The following NLGN2 variants were observed in gnomAD, a reference collection of about 807,000 sequenced individuals.
NLGN2 encodes neuroligin 2.
A neutral mutation model predicts 48.6 loss-of-function variants in NLGN2; 11 were observed. The ratio of observed to expected loss-of-function variants is 0.23; its 90% CI spans 0.14 to 0.37. The LOEUF is 0.37. Among genes scored for constraint, NLGN2 ranks in the 10% least tolerant of loss-of-function variants. The pLI is 1.00. For synonymous variants in NLGN2, 548 were observed against 550.0 expected, an observed-to-expected ratio of 1.00 and a Z score of 0.05; for missense variants, 801 against 1,225.2, an observed-to-expected ratio of 0.65 and a Z score of 5.17.
In NLGN2 at chr17:7,413,623, G is replaced by A. The variant is rs1407276559; in HGVS notation, c.509-721G>A. The stretch of plus-strand genomic sequence containing the variant: ...GTGGCAGTGATCAGGGGATCCTCAG[G>A]GGGTATGGCGGGAAGGAGCCCAGTG... On this transcript the variant is annotated intron_variant, in intron 2 of 6. Transcript: ENST00000302926. The surrounding 1 kb of genome is among the most constrained non-coding windows in gnomAD (Gnocchi z 4.9). 6.6e-6 allele frequency among the ~76,000 whole-genome samples: 1 copy of A among 152,156 alleles called. No homozygotes were observed. The highest frequency in any genetic ancestry group is 1.5e-5 in the Non-Finnish European group (1 of 68,008).
chr17:7,406,907 AG>A (rs1906669482), upstream of NLGN2, among the ~76,000 whole-genome samples: 1 of 151,936 alleles, frequency 6.6e-6, no homozygotes, highest in Admixed American at 6.5e-5. Flanking sequence ...AAATTGCTGG[AG>A]GGGGGCAGTC....
Position 7,418,029 on chromosome 17 carries a change from C to G in NLGN2, c.*230C>G, listed in dbSNP as rs1279988020. The G allele has an allele frequency of 1.1e-5, 4 of 354,234 alleles. No individual in the cohort carries two copies. The highest frequency in any genetic ancestry group is 2.0e-5 in the Non-Finnish European group (4 of 197,276). 21.9% of individuals were successfully genotyped at this position (354,234 alleles called of 1,614,324 possible). On this transcript the variant is annotated 3_prime_UTR_variant, in exon 7 of 7. Transcript: ENST00000302926. ...AACAACTGGGGGGCGTTTTCTCCCC[C>G]CCATTGGGACACCAGTCTTCGGTGT...
chr17:7,409,614 G>A lies in NLGN2; in HGVS notation c.457+902G>A, dbSNP rs374139785. On this transcript the variant is annotated intron_variant, in intron 1 of 6. Transcript: ENST00000302926. Reference sequence around the variant, plus strand: ...TCTTACCACTCCAAAACATGGCAGCGTCTGCGTATAGACCATCCGCTGCCA... The same window carrying A: ...TCTTACCACTCCAAAACATGGCAGCATCTGCGTATAGACCATCCGCTGCCA... Among the ~76,000 whole-genome samples the A allele has an allele frequency of 1.6e-4, 25 of 152,042 alleles. No homozygotes were observed. The South Asian group carries it at 4.2e-3, about 25-fold the overall frequency.
At position 7,408,326 on chromosome 17, in the gene NLGN2, G is replaced by A; in HGVS notation, c.71G>A (p.Gly24Asp). The A allele has an allele frequency of 4.3e-6, 6 of 1,405,390 alleles. No homozygotes were observed. Among genetic ancestry groups the A allele is most frequent in the Non-Finnish European group, 5.5e-6 (6 of 1,088,940 alleles). 87.1% of individuals were successfully genotyped at this position (1,405,390 alleles called of 1,614,324 possible). ...CGCGGGGGAGGGGGTCCCGGCGGCG[G>A]CGCCCCGGGCGGCCCCGGCCTGGGC... ...AQRGGGGPGG[G>D]APGGPGLGLG... The change falls in exon 1 of 7, where the codon GGC becomes GAC. Residue 24 changes from glycine to aspartate, a missense_variant. Around this residue, in one of 5 missense-constraint regions of NLGN2, gnomAD observed 164 missense variants for 186.2 expected, o/e 0.88. Coordinates refer to ENST00000302926, the MANE Select transcript of NLGN2 (RefSeq NM_020795.4). The surrounding 1 kb of genome is among the most constrained non-coding windows in gnomAD (Gnocchi z 7.5).
At position 7,411,854 on chromosome 17, in the gene NLGN2, G is replaced by C. The variant is rs984572056; in HGVS notation, c.458-303G>C. ...AAGCCAAAACCTTTCCAGCCAAGTC[G>C]ATATGTCTTAAGACAGGCCTCAGCC... On this transcript the variant is annotated intron_variant, in intron 1 of 6. Transcript: ENST00000302926. The surrounding 1 kb of genome is among the most constrained non-coding windows in gnomAD (Gnocchi z 4.5). Among the ~76,000 whole-genome samples the C allele has an allele frequency of 6.6e-6, 1 of 150,946 alleles. No homozygotes were observed. Among genetic ancestry groups the C allele is most frequent in the Non-Finnish European group, 1.5e-5 (1 of 67,852 alleles).
At position 7,416,032 on chromosome 17, in the gene NLGN2, C is replaced by T. The variant is rs1907088713; in HGVS notation, c.1559C>T (p.Pro520Leu). 33 of 1,614,158 alleles carry T rather than the reference C, an allele frequency of 2.0e-5. No individual in the cohort carries two copies. Among genetic ancestry groups the T allele is most frequent in the Non-Finnish European group, 2.8e-5 (33 of 1,180,040 alleles). Residue 520 changes from proline (P) to leucine (L), a missense_variant, in exon 6 of 7, where the codon CCC (proline) becomes CTC (leucine). Physicochemically the swap from Pro to Leu is moderately conservative, Grantham distance 98. This residue lies in a region of NLGN2 where 303 missense variants were observed against 600.1 expected (regional missense o/e 0.50). Coordinates refer to ENST00000302926, the MANE Select transcript of NLGN2 (RefSeq NM_020795.4). ...VPMVGATDLF[P>L]CNFSKNDVML... ...ATGGTGGGTGCCACCGACCTCTTCCCCTGTAACTTCTCCAAGAATGACGTC... is the reference window on the plus strand; with the variant it reads ...ATGGTGGGTGCCACCGACCTCTTCCTCTGTAACTTCTCCAAGAATGACGTC...
At position 7,414,986 on chromosome 17, in the gene NLGN2, G is replaced by C; in HGVS notation, c.875G>C (p.Gly292Ala). 6.2e-7 allele frequency: 1 copy of C among 1,612,308 alleles called. No individual in the cohort carries two copies. Reference sequence around the variant, plus strand: ...TTCCAGAAGGCCATCGCCCAGAGTGGCACCGCCATTTCCAGCTGGTCTGTC... The same window carrying C: ...TTCCAGAAGGCCATCGCCCAGAGTGCCACCGCCATTTCCAGCTGGTCTGTC... The part of the protein sequence containing the change: ...GLFQKAIAQS[G>A]TAISSWSVNY... Residue 292 changes from glycine (G) to alanine (A), a missense_variant, in exon 5 of 7, where the codon GGC (glycine) becomes GCC (alanine). Coordinates refer to ENST00000302926, the MANE Select transcript of NLGN2 (RefSeq NM_020795.4).
upstream of NLGN2, among the ~76,000 whole-genome samples, chr17:7,406,860 G>T (rs966166109): frequency 1.1e-4 from 16 of 152,136 alleles, no homozygotes; most frequent in African/African-American, 3.6e-4. Flanking sequence ...ACAATGGCTT[G>T]CAAAGATGAA....
upstream of NLGN2, chr17:7,404,765 A>G (rs935596700): frequency 2.0e-5 from 3 of 151,082 alleles, no homozygotes; most frequent in African/African-American, 7.3e-5. Flanking sequence ...ACCATCTCCA[A>G]TCCCCCCATT....
intron 2 of NLGN2, 148 bp from the exon 3 acceptor site, chr17:7,414,196 G>A (rs1295253663): frequency 7.2e-6 from 5 of 693,594 alleles, no homozygotes; most frequent in Non-Finnish European, 7.5e-6. Context: ...AGGGGAATCC[G>A]GTCTTGCCCC....
Position 7,417,066 on chromosome 17 carries a change from A to G in NLGN2, c.1775A>G (p.Asn592Ser), listed in dbSNP as rs145515125. The change falls in exon 7 of 7, where the codon AAC becomes AGC. Residue 592 changes from asparagine (N) to serine (S), a missense_variant. By Grantham distance (46) the Asn-to-Ser change is conservative (BLOSUM62 1). Transcript: ENST00000302926. The stretch of plus-strand genomic sequence containing the variant: ...GGCCTGAAGCCACGCGTGCGTGACA[A>G]CTACCGCGCCAACAAGGTGGCCTTC... ...HIGLKPRVRD[N>S]YRANKVAFWL... is the part of the protein sequence containing the mutation. 3 of 1,613,998 alleles carry G rather than the reference A, an allele frequency of 1.9e-6. No homozygotes were observed. Among genetic ancestry groups the G allele is most frequent in the Non-Finnish European group, 2.5e-6 (3 of 1,180,004 alleles).
Position 7,417,478 on chromosome 17 carries a change from CCCCGCCGCGGGCCGTGAGCTG to C in NLGN2, c.2190_2210del (p.Ala731_Pro737del). The stretch of plus-strand genomic sequence containing the variant: ...GCGTGCCTGGTGGGGGCCCCCTGCT[CCCCGCCGCGGGCCGTGAGCTG>C]CCACCAGAGGAGGAGCTGGTGTCAC... On this transcript the variant is annotated inframe_deletion, in exon 7 of 7. Coordinates refer to ENST00000302926, the MANE Select transcript of NLGN2 (RefSeq NM_020795.4). 6.5e-7 allele frequency: 1 copy of C among 1,531,076 alleles called. No homozygotes were observed. Among genetic ancestry groups the C allele is most frequent in the Non-Finnish European group, 8.7e-7 (1 of 1,142,994 alleles). The allele number at this position is 1,531,076 out of a possible 1,614,324, so 94.8% of individuals were successfully genotyped here.
In NLGN2 at chr17:7,417,708, T is replaced by A. The variant is rs1597714703; in HGVS notation, c.2417T>A (p.Leu806His). 1 of 549,440 alleles carries A rather than the reference T, an allele frequency of 1.8e-6. No homozygotes were observed. The highest frequency in any genetic ancestry group is 2.2e-6 in the Non-Finnish European group (1 of 446,890). The allele number at this position is 549,440 out of a possible 1,614,324, so 34.0% of individuals were successfully genotyped here. ...GPPPPPPPPSLHPFGPFPPPP... is the reference protein window; with the variant it reads ...GPPPPPPPPSHHPFGPFPPPP... ...CCGCCACCCCCACCGCCCCCCTCCCTTCATCCCTTCGGGCCCTTCCCCCCG... is the reference window on the plus strand; with the variant it reads ...CCGCCACCCCCACCGCCCCCCTCCCATCATCCCTTCGGGCCCTTCCCCCCG... The change falls in exon 7 of 7, where the codon CTT becomes CAT. Residue 806 changes from leucine (L) to histidine (H), a missense_variant. Leu to His is a moderately conservative substitution (Grantham distance 99). Coordinates refer to ENST00000302926, the MANE Select transcript of NLGN2 (RefSeq NM_020795.4).
At position 7,417,129 on chromosome 17, in the gene NLGN2, CG is replaced by C; in HGVS notation, c.1840del (p.Glu614SerfsTer63). ...ELVPHLHNLHTELFTTTTRLP... is the reference protein window; with the variant it reads ...ELVPHLHNLHXELFTTTTRLP... ...GTGCCCCACCTGCACAACCTGCACA[CG>C]GAGCTCTTCACCACCACCACGCGCC... On this transcript the variant is annotated frameshift_variant, in exon 7 of 7. Coordinates refer to ENST00000302926, the MANE Select transcript of NLGN2 (RefSeq NM_020795.4). LOFTEE classifies it low-confidence loss of function (END_TRUNC). The C allele has an allele frequency of 6.2e-7, 1 of 1,611,094 alleles. No homozygotes were observed.
rs1906903027 is a variant in NLGN2 at position 7,411,757 on chromosome 17, G to A, written c.458-400G>A. Among the ~76,000 whole-genome samples the A allele has an allele frequency of 6.6e-6, 1 of 152,134 alleles. No individual in the cohort carries two copies. Among genetic ancestry groups the A allele is most frequent in the Non-Finnish European group, 1.5e-5 (1 of 68,032 alleles). On this transcript the variant is annotated intron_variant, in intron 1 of 6. Coordinates refer to ENST00000302926, the MANE Select transcript of NLGN2 (RefSeq NM_020795.4). The surrounding 1 kb of genome is among the most constrained non-coding windows in gnomAD (Gnocchi z 4.5). Reference sequence around the variant, plus strand: ...TGGCCTTGGTCTCCCAGGGGCTCTGGGTGGGCTTCCCCTCCCCTCCCACCC... The same window carrying A: ...TGGCCTTGGTCTCCCAGGGGCTCTGAGTGGGCTTCCCCTCCCCTCCCACCC...
Position 7,408,792 on chromosome 17 carries a change from G to A in NLGN2, c.457+80G>A, listed in dbSNP as rs1906765375. ...ATGCAGACCCTCAGGCACTGGCACC[G>A]CTCTAGGGCTCAGAGCTGGGCCTTT... On this transcript the variant is annotated intron_variant, in intron 1 of 6. Coordinates refer to ENST00000302926, the MANE Select transcript of NLGN2 (RefSeq NM_020795.4). The surrounding 1 kb of genome is among the most constrained non-coding windows in gnomAD (Gnocchi z 7.5). 1.1e-5 allele frequency: 18 copies of A among 1,605,452 alleles called. No homozygotes were observed. Among genetic ancestry groups the A allele is most frequent in the Middle Eastern group, 1.9e-4 (1 of 5,246 alleles).
Position 7,408,415 on chromosome 17 carries a change from G to A in NLGN2, c.160G>A (p.Val54Met). The A allele has an allele frequency of 6.4e-7, 1 of 1,566,388 alleles. No individual in the cohort carries two copies. The highest frequency in any genetic ancestry group is 2.5e-5 in the East Asian group (1 of 40,454). ...CACGGCCTACGGGCGAGTGCGCGGT[G>A]TGCGGCGCGAGCTCAACAACGAGAT... ...VNTAYGRVRG[V>M]RRELNNEILG... is the part of the protein sequence containing the mutation. Residue 54 changes from valine to methionine, a missense_variant, in exon 1 of 7, where the codon GTG (valine) becomes ATG (methionine). Val to Met is a conservative substitution (Grantham distance 21, BLOSUM62 1). Around this residue, in one of 5 missense-constraint regions of NLGN2, gnomAD observed 164 missense variants for 186.2 expected, o/e 0.88. Coordinates refer to ENST00000302926, the MANE Select transcript of NLGN2 (RefSeq NM_020795.4). This position sits in a 1 kb window ranked among gnomAD's most constrained non-coding sequence, Gnocchi z 7.5.
Position 7,418,033 on chromosome 17 carries a change from T to G in NLGN2, c.*234T>G, listed in dbSNP as rs990105793. The G allele has an allele frequency of 2.4e-5, 8 of 339,606 alleles. No individual in the cohort carries two copies. The highest frequency in any genetic ancestry group is 1.5e-4 in the African/African-American group (7 of 47,278). The allele number at this position is 339,606 out of a possible 1,614,324, so 21.0% of individuals were successfully genotyped here. Reference sequence around the variant, plus strand: ...ACTGGGGGGCGTTTTCTCCCCCCCATTGGGACACCAGTCTTCGGTGTGTGG... The same window carrying G: ...ACTGGGGGGCGTTTTCTCCCCCCCAGTGGGACACCAGTCTTCGGTGTGTGG... On this transcript the variant is annotated 3_prime_UTR_variant, in exon 7 of 7. Transcript: ENST00000302926.
Position 7,417,902 on chromosome 17 carries a change from C to G in NLGN2, c.*103C>G. The stretch of plus-strand genomic sequence containing the variant: ...TGGCTTTTCTCCTGTGGAGTCGTCA[C>G]ACGCCATCCAGCAGCGCTAAGGTGG... On this transcript the variant is annotated 3_prime_UTR_variant, in exon 7 of 7. Coordinates refer to ENST00000302926, the MANE Select transcript of NLGN2 (RefSeq NM_020795.4). The G allele has an allele frequency of 8.9e-7, 1 of 1,120,322 alleles. No individual in the cohort carries two copies. Among genetic ancestry groups the G allele is most frequent in the South Asian group, 2.9e-5 (1 of 33,934 alleles). 69.4% of individuals were successfully genotyped at this position (1,120,322 alleles called of 1,614,324 possible).
Sources: allele counts gnomAD v4.1 joint callset (sites outside exome capture counted in the v4.1 genomes callset), GRCh38; gene constraint gnomAD v4.1.1; regional missense constraint gnomAD v4.1.1; non-coding constraint Gnocchi (gnomAD v3.1); transcripts MANE v1.5; gene names NCBI Gene and HGNC (gene_info 2026-07-23, HGNC 2026-07-21).